The following KCND2 variants were observed in gnomAD, a reference collection of about 807,000 sequenced individuals.
KCND2 encodes potassium voltage-gated channel subfamily D member 2.
Under a neutral mutation model 54.4 loss-of-function variants are expected in KCND2, and 16 were observed. That is an observed-to-expected ratio of 0.29 (90% CI 0.20 to 0.45). The LOEUF is 0.45. Among genes scored for constraint, KCND2 ranks in the 20% least tolerant of loss-of-function variants. The probability of loss-of-function intolerance (pLI) is 1.00; values close to 1 mark genes in which losing one functional copy is unlikely to be tolerated. For missense variants in KCND2, 486 were observed against 824.2 expected (o/e 0.59, Z 5.02); for synonymous variants, 317 against 310.7 (o/e 1.02, Z -0.21).
intron 1 of KCND2, among the ~76,000 whole-genome samples, chr7:120,442,858 C>A (rs967157675): frequency 3.3e-5 from 5 of 152,014 alleles, no homozygotes; most frequent in African/African-American, 1.2e-4. Context: ...GCTATTTGGA[C>A]TTTAAACTAT....
intron 4 of KCND2, among the ~76,000 whole-genome samples, chr7:120,743,187 T>C (rs1261305554): frequency 6.6e-6 from 1 of 152,198 alleles, no homozygotes; most frequent in Non-Finnish European, 1.5e-5. Context: ...GACCTCCTCA[T>C]TGGCAAATCT....
intron 1 of KCND2, among the ~76,000 whole-genome samples, chr7:120,715,743 G>A (rs1341711924): frequency 1.3e-5 from 2 of 151,918 alleles, no homozygotes; most frequent in Admixed American, 1.3e-4. Flanking sequence ...TTTAATTGAT[G>A]GTATTATGTT....
chr7:120,335,264 G>A (rs1584735301), intron 1 of KCND2, among the ~76,000 whole-genome samples: 1 of 149,550 alleles, frequency 6.7e-6, no homozygotes, highest in East Asian at 2.0e-4. Flanking sequence ...TCTGGAAGCT[G>A]AGGCAGAAGA....
At chr7:120,473,229 A>T (rs2116264545) in intron 1 of KCND2, among the ~76,000 whole-genome samples, 1 of 152,330 alleles carries the variant, frequency 6.6e-6, no homozygotes, top group Non-Finnish European at 1.5e-5. Flanking sequence ...ACTTTCATGG[A>T]TAAAAATATT....
At chr7:120,384,165 T>TTA (rs1270127407) in intron 1 of KCND2, among the ~76,000 whole-genome samples, 1 of 152,140 alleles carries the variant, frequency 6.6e-6, no homozygotes, top group Admixed American at 6.6e-5. Context: ...CATTGTTTTC[T>TTA]TATTTGTATT....
At chr7:120,693,654 G>T (rs113903866) in intron 1 of KCND2, among the ~76,000 whole-genome samples, 152 of 152,168 alleles carry the variant, frequency 1.0e-3, no homozygotes, top group African/African-American at 3.4e-3. Flanking sequence ...CTCTGTATTT[G>T]CTATTTTATA....
chr7:120,373,576 C>T (rs1038569730), intron 1 of KCND2, among the ~76,000 whole-genome samples: 2 of 151,780 alleles, frequency 1.3e-5, no homozygotes, highest in Admixed American at 6.6e-5. Context: ...ACTTTTAGGA[C>T]GCATCCAAGA....
chr7:120,401,904 A>G (rs1204003818), intron 1 of KCND2, among the ~76,000 whole-genome samples: 2 of 152,172 alleles, frequency 1.3e-5, no homozygotes, highest in African/African-American at 4.8e-5. Flanking sequence ...ACTGTTATAC[A>G]TACCCCACCA....
At chr7:120,519,238 G>C (rs867635591) in intron 1 of KCND2, among the ~76,000 whole-genome samples, 12 of 152,182 alleles carry the variant, frequency 7.9e-5, no homozygotes, top group Admixed American at 2.0e-4. Flanking sequence ...GCTACTTGGA[G>C]GCTGAGGTAG....
intron 1 of KCND2, among the ~76,000 whole-genome samples, chr7:120,648,420 T>C (rs1410772648): frequency 6.6e-6 from 1 of 151,874 alleles, no homozygotes; most frequent in African/African-American, 2.4e-5. Flanking sequence ...TGAAGGAATA[T>C]ATGCTAATAG....
chr7:120,449,340 A>T (rs1802069080), intron 1 of KCND2, among the ~76,000 whole-genome samples: 1 of 151,962 alleles, frequency 6.6e-6, no homozygotes, highest in Admixed American at 6.6e-5. Context: ...AAAAAAAAAA[A>T]AAAATATTTT....
intron 1 of KCND2, among the ~76,000 whole-genome samples, chr7:120,582,657 T>C (rs1584839829): frequency 6.6e-6 from 1 of 152,098 alleles, no homozygotes; most frequent in South Asian, 2.1e-4. Context: ...CCTCAAGATA[T>C]AGACCCAAGC....
chr7:120,287,778 A>G (rs1799368429), intron 1 of KCND2, among the ~76,000 whole-genome samples: 1 of 152,084 alleles, frequency 6.6e-6, no homozygotes, highest in African/African-American at 2.4e-5. Flanking sequence ...TGGGAGGCAG[A>G]GGTTGCAGTG....
intron 1 of KCND2, among the ~76,000 whole-genome samples, chr7:120,451,314 A>C (rs1404996271): frequency 6.6e-6 from 1 of 152,162 alleles, no homozygotes; most frequent in Non-Finnish European, 1.5e-5. Flanking sequence ...ATTAAAAAAT[A>C]TATATATATT....
chr7:120,306,216 A>C (rs942756463), intron 1 of KCND2, among the ~76,000 whole-genome samples: 1 of 152,028 alleles, frequency 6.6e-6, no homozygotes, highest in African/African-American at 2.4e-5. Flanking sequence ...TCCTCCGTAA[A>C]ACAGCACTTA....
At chr7:120,676,035 GC>G (rs1159495845) in intron 1 of KCND2, among the ~76,000 whole-genome samples, 6 of 151,726 alleles carry the variant, frequency 4.0e-5, no homozygotes, top group African/African-American at 1.5e-4. Flanking sequence ...ACGAGGTTTG[GC>G]CATTTTGGCC....
chr7:120,621,912 G>T (rs1036384831), intron 1 of KCND2, among the ~76,000 whole-genome samples: 5 of 151,800 alleles, frequency 3.3e-5, no homozygotes, highest in Non-Finnish European at 5.9e-5. Context: ...AAGCACCCAG[G>T]TACCCCTGAT....
chr7:120,280,318 T>A (rs1292326993), intron 1 of KCND2, among the ~76,000 whole-genome samples: 1 of 152,064 alleles, frequency 6.6e-6, no homozygotes, highest in Non-Finnish European at 1.5e-5. Flanking sequence ...AGAGACAATA[T>A]TTGATGTGGA....
intron 1 of KCND2, among the ~76,000 whole-genome samples, chr7:120,452,983 G>A (rs1258963824): frequency 5.3e-5 from 8 of 152,184 alleles, no homozygotes; most frequent in African/African-American, 1.4e-4. Flanking sequence ...ATGCTCAAAC[G>A]GGGTGCTCCT....
Sources: gnomAD v4.1 joint callset for allele counts (sites outside exome capture counted in the v4.1 genomes callset) on GRCh38, gnomAD v4.1.1 for gene constraint, MANE v1.5 for transcripts, NCBI Gene and HGNC (gene_info 2026-07-23, HGNC 2026-07-21) for gene names.